The following FHIT variants were observed in gnomAD, a reference collection of about 807,000 sequenced individuals.
FHIT encodes the protein bis(5'-adenosyl)-triphosphatase.
FHIT carries 19 observed loss-of-function variants against 17.9 expected under a neutral mutation model. The ratio of observed to expected loss-of-function variants is 1.06; its 90% CI spans 0.74 to 1.56. FHIT has a LOEUF of 1.56. FHIT is among the 40% of genes most tolerant of loss of function. FHIT has a pLI of 0.00. For missense variants in FHIT, 248 were observed against 189.2 expected (o/e 1.31, Z -1.82); for synonymous variants, 81 against 69.7 (o/e 1.16, Z -0.81).
intron 5 of FHIT, among the ~76,000 whole-genome samples, chr3:60,277,465 A>G (rs997674333): frequency 6.6e-6 from 1 of 152,216 alleles, no homozygotes; most frequent in African/African-American, 2.4e-5. Flanking sequence ...GGTACTAAGC[A>G]TGCTCAAAAT....
At chr3:59,901,037 C>A (rs973079050) in intron 8 of FHIT, among the ~76,000 whole-genome samples, 1 of 152,166 alleles carries the variant, frequency 6.6e-6, no homozygotes, top group Non-Finnish European at 1.5e-5. Context: ...ACTGTTTTGT[C>A]TGTTAACGTA....
At chr3:59,987,511 G>A (rs1483637497) in intron 7 of FHIT, among the ~76,000 whole-genome samples, 3 of 152,058 alleles carry the variant, frequency 2.0e-5, no homozygotes, top group African/African-American at 4.8e-5. Flanking sequence ...GTTTTAACAC[G>A]TCATGGCAAT....
At chr3:60,927,883 G>A (rs1300515252) in intron 3 of FHIT, among the ~76,000 whole-genome samples, 1 of 152,240 alleles carries the variant, frequency 6.6e-6, no homozygotes, top group Non-Finnish European at 1.5e-5. Flanking sequence ...GAAATGTGGG[G>A]AAAAGAAAGA....
chr3:60,859,028 T>G (rs149742964), intron 3 of FHIT, among the ~76,000 whole-genome samples: 56 of 152,324 alleles, frequency 3.7e-4, no homozygotes, highest in African/African-American at 1.2e-3. Context: ...AAAAAGGATT[T>G]CACCAGCTCT....
chr3:60,136,527 T>G (rs1699823279), intron 5 of FHIT, among the ~76,000 whole-genome samples: 1 of 152,136 alleles, frequency 6.6e-6, no homozygotes, highest in Admixed American at 6.5e-5. Flanking sequence ...GTCTCAAACC[T>G]GCCCACAACT....
chr3:60,550,507 T>C (rs1452948866), intron 4 of FHIT, among the ~76,000 whole-genome samples: 1 of 151,956 alleles, frequency 6.6e-6, no homozygotes, highest in Non-Finnish European at 1.5e-5. Flanking sequence ...TCAAAGAAAA[T>C]CCAAAACCTC....
chr3:59,790,028 T>C (rs1031660277), intron 8 of FHIT, among the ~76,000 whole-genome samples: 5 of 152,200 alleles, frequency 3.3e-5, no homozygotes, highest in Non-Finnish European at 7.3e-5. Flanking sequence ...TAGTCTCATC[T>C]CTGTTATCCA....
intron 3 of FHIT, among the ~76,000 whole-genome samples, chr3:60,963,124 T>C (rs1709545137): frequency 6.6e-6 from 1 of 152,232 alleles, no homozygotes. Flanking sequence ...ATTGGTCTAT[T>C]AAGGGATTCA....
intron 5 of FHIT, among the ~76,000 whole-genome samples, chr3:60,063,122 G>A (rs977148508): frequency 1.3e-5 from 2 of 152,120 alleles, no homozygotes; most frequent in African/African-American, 4.8e-5. Context: ...CTTGGACAGA[G>A]AAACCAGAGG....
At chr3:60,816,717 G>C (rs74768414) in intron 4 of FHIT, among the ~76,000 whole-genome samples, 49 of 151,666 alleles carry the variant, frequency 3.2e-4, no homozygotes, top group Middle Eastern at 3.4e-3. Context: ...TTGTGTGTTT[G>C]TCAGGTTTGC....
At chr3:60,434,547 A>C (rs1459287168) in intron 5 of FHIT, among the ~76,000 whole-genome samples, 1 of 152,058 alleles carries the variant, frequency 6.6e-6, no homozygotes, top group African/African-American at 2.4e-5. Context: ...CTCTGGAGTA[A>C]TGTCACATTT....
intron 7 of FHIT, among the ~76,000 whole-genome samples, chr3:59,952,360 T>A (rs779734753): frequency 6.6e-6 from 1 of 152,162 alleles, no homozygotes; most frequent in Non-Finnish European, 1.5e-5. Context: ...CCAGACACAG[T>A]GGGTTGGAGA....
chr3:60,692,543 T>C (rs1313150288), intron 4 of FHIT, among the ~76,000 whole-genome samples: 1 of 151,970 alleles, frequency 6.6e-6, no homozygotes, highest in Non-Finnish European at 1.5e-5. Context: ...ATATTGAAGA[T>C]GAAAGGGGGC....
intron 2 of FHIT, among the ~76,000 whole-genome samples, chr3:61,044,613 A>G (rs1296161470): frequency 1.3e-5 from 2 of 152,104 alleles, no homozygotes; most frequent in East Asian, 1.9e-4. Flanking sequence ...CCAAAATTCA[A>G]ATTCAGGAAA....
chr3:59,801,243 T>C (rs1226091597), intron 8 of FHIT, among the ~76,000 whole-genome samples: 1 of 152,204 alleles, frequency 6.6e-6, no homozygotes, highest in Non-Finnish European at 1.5e-5. Context: ...CATCCTTTTA[T>C]ATATGATGCA....
intron 2 of FHIT, among the ~76,000 whole-genome samples, chr3:61,166,164 T>C (rs1379169252): frequency 6.8e-6 from 1 of 147,586 alleles, no homozygotes; most frequent in African/African-American, 2.4e-5. Context: ...CTAACTTAGA[T>C]AGGTACAGAA....
intron 2 of FHIT, among the ~76,000 whole-genome samples, chr3:61,196,557 G>A (rs950994861): frequency 1.9e-4 from 29 of 152,142 alleles, no homozygotes; most frequent in African/African-American, 7.0e-4. Flanking sequence ...ATTGGGCTGA[G>A]GATGGTGGAA....
chr3:60,420,598 T>C (rs1468422991), intron 5 of FHIT, among the ~76,000 whole-genome samples: 1 of 152,168 alleles, frequency 6.6e-6, no homozygotes, highest in Admixed American at 6.6e-5. Flanking sequence ...GAAAAAAATC[T>C]ATCTTATTTT....
chr3:60,721,127 A>G (rs2041800264), intron 4 of FHIT, among the ~76,000 whole-genome samples: 1 of 152,154 alleles, frequency 6.6e-6, no homozygotes, highest in South Asian at 2.1e-4. Context: ...ACTGCTAAAA[A>G]AAAAGGTGAG....
Sources: gnomAD v4.1 joint callset for allele counts (sites outside exome capture counted in the v4.1 genomes callset) on GRCh38, gnomAD v4.1.1 for gene constraint, MANE v1.5 for transcripts, NCBI Gene and HGNC (gene_info 2026-07-23, HGNC 2026-07-21) for gene names.